RBBP8: variants seen among roughly 807,000 people sequenced by gnomAD.
The protein encoded by RBBP8 is DNA endonuclease RBBP8.
RBBP8 carries 88 observed loss-of-function variants against 108.3 expected under a neutral mutation model. The ratio of observed to expected loss-of-function variants is 0.81; its 90% CI spans 0.68 to 0.97. The LOEUF is 0.97. Ranked by LOEUF, RBBP8 falls within the 50% of genes least tolerant of loss-of-function variation. RBBP8 has a pLI of 0.00. For missense variants in RBBP8, 1,023 were observed against 1,049.0 expected (o/e 0.98, Z 0.34); for synonymous variants, 332 against 348.2 (o/e 0.95, Z 0.52).
chr18:23,007,804 GT>G (rs567752393), intron 16 of RBBP8, among the ~76,000 whole-genome samples: 12 of 149,832 alleles, frequency 8.0e-5, no homozygotes, highest in Admixed American at 1.3e-4. Context: ...CTTTAAGCAT[GT>G]TTTGTTTTTT....
chr18:23,012,853 T>C (rs1005333407), intron 16 of RBBP8, among the ~76,000 whole-genome samples: 1 of 152,180 alleles, frequency 6.6e-6, no homozygotes, highest in Non-Finnish European at 1.5e-5. Context: ...AGTGCCTGGC[T>C]TCAGAGCTTC....
chr18:22,923,369 G>C (rs978465862), intron 3 of RBBP8, among the ~76,000 whole-genome samples: 5 of 152,166 alleles, frequency 3.3e-5, no homozygotes, highest in African/African-American at 1.2e-4. Flanking sequence ...TACACTTGCA[G>C]TTATAGAACT....
chr18:23,006,419 A>C lies in RBBP8; in HGVS notation c.2344A>C (p.Lys782Gln). 6.2e-7 allele frequency: 1 copy of C among 1,612,492 alleles called. No individual in the cohort carries two copies. The highest frequency in any genetic ancestry group is 8.5e-7 in the Non-Finnish European group (1 of 1,178,628). Residue 782 changes from lysine to glutamine, a missense_variant, in exon 16 of 19, where the codon AAA (lysine) becomes CAA (glutamine). Coordinates refer to ENST00000327155, the MANE Select transcript of RBBP8 (RefSeq NM_002894.3). The part of the protein sequence containing the change: ...KQKAFVEPYF[K>Q]GDERETSLQN... ...GAAAGCGTTTGTGGAGCCGTATTTT[A>C]AAGGTGATGAAAGGTAAGTTGGTTT...
At chr18:22,957,291 CTTTTTT>C (rs11418623) in intron 4 of RBBP8, among the ~76,000 whole-genome samples, 32 of 92,876 alleles carry the variant, frequency 3.4e-4, no homozygotes, top group East Asian at 1.0e-3. Context: ...ATTACTTTTT[CTTTTTT>C]TTTTTTTTTT....
In RBBP8 at chr18:23,022,656, A is replaced by AATAAAATAAATAAAATAAAATAAAAAT. The variant is rs2046382647; in HGVS notation, c.2596+396_2596+397insTAAAATAAAATAAAAATATAAAATAAA. 1.8e-4 allele frequency among the ~76,000 whole-genome samples: 13 copies of AATAAAATAAATAAAATAAAATAAAAAT among 72,360 alleles called. 1 individual carries two copies. The highest frequency in any genetic ancestry group is 4.0e-4 in the African/African-American group (12 of 29,898). The allele number at this position is 72,360 out of a possible 152,430, so 47.5% of individuals were successfully genotyped here. Reference sequence around the variant, plus strand: ...ATAAAATAAATAAAATACAATATAAAATAAAATAAAATAAATAACTGTATA... The same window carrying AATAAAATAAATAAAATAAAATAAAAAT: ...ATAAAATAAATAAAATACAATATAAAATAAAATAAATAAAATAAAATAAAAATATAAAATAAAATAAATAACTGTATA... On this transcript the variant is annotated intron_variant, in intron 18 of 18. Coordinates refer to ENST00000327155, the MANE Select transcript of RBBP8 (RefSeq NM_002894.3).
At chr18:22,983,266 A>G (rs1915072589) in intron 7 of RBBP8, among the ~76,000 whole-genome samples, 1 of 152,222 alleles carries the variant, frequency 6.6e-6, no homozygotes, top group African/African-American at 2.4e-5. Context: ...GACGGGGGAT[A>G]TATATGTACT....
At chr18:22,982,583 G>A (rs532708751) in intron 7 of RBBP8, among the ~76,000 whole-genome samples, 190 bp downstream of exon 7, 2 of 152,210 alleles carry the variant, frequency 1.3e-5, no homozygotes, top group Non-Finnish European at 2.9e-5. Flanking sequence ...GTATAGATAC[G>A]TGTCATCTAT....
intron 5 of RBBP8, among the ~76,000 whole-genome samples, chr18:22,973,158 G>A (rs904705294): frequency 2.0e-5 from 3 of 152,118 alleles, no homozygotes. Context: ...CAATTTGTGG[G>A]CCATGTTGCC....
chr18:22,960,769 A>G (rs887111724), intron 4 of RBBP8, among the ~76,000 whole-genome samples: 1 of 152,186 alleles, frequency 6.6e-6, no homozygotes, highest in Non-Finnish European at 1.5e-5. Flanking sequence ...AATTTTTAGT[A>G]TCCTGAAATG....
chr18:23,021,097 T>G (rs1482719689), intron 17 of RBBP8, among the ~76,000 whole-genome samples: 2 of 152,168 alleles, frequency 1.3e-5, no homozygotes, highest in Non-Finnish European at 2.9e-5. Context: ...GTTTCTCAAG[T>G]GTAAAGTGAA....
chr18:23,010,243 G>A (rs1478631252), intron 16 of RBBP8, among the ~76,000 whole-genome samples: 1 of 152,140 alleles, frequency 6.6e-6, no homozygotes, highest in Non-Finnish European at 1.5e-5. Context: ...GAATAACCTT[G>A]CACATTCTCT....
At chr18:22,942,684 A>G (rs1388852911) in intron 2 of RBBP8, among the ~76,000 whole-genome samples, 1 of 152,144 alleles carries the variant, frequency 6.6e-6, no homozygotes, top group Non-Finnish European at 1.5e-5. Flanking sequence ...CCGAACTCAC[A>G]GAATTTAATG....
chr18:22,996,781 G>C (rs2045867134), intron 13 of RBBP8, among the ~76,000 whole-genome samples: 1 of 152,192 alleles, frequency 6.6e-6, no homozygotes, highest in Non-Finnish European at 1.5e-5. Context: ...AGAATCACTT[G>C]AAGCCAGGAA....
At position 22,989,283 on chromosome 18, in the gene RBBP8, G is replaced by T. The variant is rs763868974; in HGVS notation, c.772G>T (p.Ala258Ser). 5 of 1,610,674 alleles carry T rather than the reference G, an allele frequency of 3.1e-6. No individual in the cohort carries two copies. Among genetic ancestry groups the T allele is most frequent in the Non-Finnish European group, 4.2e-6 (5 of 1,177,200 alleles). ...KSSFNLATVV[A>S]ETLGLGVQEE... ...ATCTTTTAATTTAGCTACAGTTGTT[G>T]CTGAAACACTTGGACTTGGTGTTCA... is the stretch of plus-strand genomic sequence containing the variant. Residue 258 changes from alanine to serine, a missense_variant, in exon 9 of 19, where the codon GCT becomes TCT. Transcript: ENST00000327155.
At chr18:22,939,719 A>G (rs1191006241) in intron 2 of RBBP8, among the ~76,000 whole-genome samples, 1 of 152,250 alleles carries the variant, frequency 6.6e-6, no homozygotes, top group Non-Finnish European at 1.5e-5. Context: ...CCTTGTGAAT[A>G]AGAATAAATC....
At position 22,964,630 on chromosome 18, in the gene RBBP8, TTTTTATTTTA is replaced by T. The variant is rs546091335; in HGVS notation, c.249-4156_249-4147del. Among the ~76,000 whole-genome samples, 237 of 150,752 alleles carry T rather than the reference TTTTTATTTTA, an allele frequency of 1.6e-3. 1 individual carries two copies. Among genetic ancestry groups the T allele is most frequent in the African/African-American group, 5.4e-3 (222 of 41,400 alleles). On this transcript the variant is annotated intron_variant, in intron 4 of 18. Coordinates refer to ENST00000327155, the MANE Select transcript of RBBP8 (RefSeq NM_002894.3). Reference sequence around the variant, plus strand: ...CTTTCTTAATATTTTTAATTTTTAATTTTTATTTTATTTTATTTTATTTTATTTTGGTTTT... The same window carrying T: ...CTTTCTTAATATTTTTAATTTTTAATTTTTATTTTATTTTATTTTGGTTTT...
chr18:22,993,957 C>A, intron 12 of RBBP8, 110 bp downstream of exon 12: 1 of 1,116,128 alleles, frequency 9.0e-7, no homozygotes, highest in Non-Finnish European at 1.3e-6. Flanking sequence ...TTATTTCTTC[C>A]TTCAGGTGTC....
rs752961149 is a variant in RBBP8, at chr18:22,997,670, A to C, written c.2079A>C (p.Thr693=). The change falls in exon 14 of 19, where the codon ACA becomes ACC. Residue 693 remains threonine (T), a synonymous_variant. Coordinates refer to ENST00000327155, the MANE Select transcript of RBBP8 (RefSeq NM_002894.3). ...LGGETVDMDC[T]LVSETVLLKM... is the part of the protein sequence containing the mutation. ...GAGAGACAGTGGACATGGACTGTAC[A>C]TTGGTTAGTGAAACCGTTCTCTTAA... 1.9e-6 allele frequency: 3 copies of C among 1,610,968 alleles called. No homozygotes were observed. The highest frequency in any genetic ancestry group is 2.5e-6 in the Non-Finnish European group (3 of 1,178,206).
chr18:22,924,904 T>C (rs926072661), intron 3 of RBBP8, among the ~76,000 whole-genome samples: 1 of 151,972 alleles, frequency 6.6e-6, no homozygotes, highest in African/African-American at 2.4e-5. Context: ...TTTTTTTTTT[T>C]TCTTTTTTTT....
Sources: allele counts gnomAD v4.1 joint callset (sites outside exome capture counted in the v4.1 genomes callset), GRCh38; gene constraint gnomAD v4.1.1; transcripts MANE v1.5; gene names NCBI Gene and HGNC (gene_info 2026-07-23, HGNC 2026-07-21).